The following ABCC4 variants were observed in gnomAD, a reference collection of about 807,000 sequenced individuals.
ABCC4 encodes ATP binding cassette subfamily C member 4 (PEL blood group), also known as ATP-binding cassette sub-family C member 4.
A neutral mutation model predicts 168.5 loss-of-function variants in ABCC4; 102 were observed. That is an observed-to-expected ratio of 0.61 (90% CI 0.52 to 0.71). ABCC4 has a LOEUF of 0.71. ABCC4 is among the 30% of genes least tolerant of loss of function. The probability of loss-of-function intolerance (pLI) is 0.00; values close to 1 mark genes in which losing one functional copy is unlikely to be tolerated. For synonymous variants in ABCC4, 617 were observed against 590.7 expected, an observed-to-expected ratio of 1.04 and a Z score of -0.65; for missense variants, 1,402 against 1,605.8, an observed-to-expected ratio of 0.87 and a Z score of 2.17.
intron 4 of ABCC4, among the ~76,000 whole-genome samples, chr13:95,221,668 C>T (rs930006032): frequency 3.1e-5 from 4 of 128,674 alleles, no homozygotes; most frequent in African/African-American, 8.6e-5. Context: ...AAAAAAAAAA[C>T]GAGAAATAAA....
In ABCC4 at chr13:95,194,940, A is replaced by G. The variant is rs2274404; in HGVS notation, c.1162-3T>C. On this transcript the variant is annotated splice_polypyrimidine_tract_variant and splice_region_variant and intron_variant, in intron 8 of 30. Transcript: ENST00000645237. ...ATCTCATCAAGTAGCAAAAAGGTCT[A>G]AAGAAAATGGGAAAAACACAGATTG... is the stretch of plus-strand genomic sequence containing the variant. 9.1e-4 allele frequency: 1,474 copies of G among 1,611,696 alleles called. 25 individuals are homozygous for G. In the East Asian group the frequency reaches 0.025, roughly 27 times the overall value.
chr13:95,179,244 G>A (rs774710193), intron 11 of ABCC4, among the ~76,000 whole-genome samples: 5 of 151,992 alleles, frequency 3.3e-5, no homozygotes, highest in East Asian at 1.9e-4. Flanking sequence ...GATAACACCC[G>A]CCCCATCTTC....
At chr13:95,275,465 C>T (rs145159856) in intron 1 of ABCC4, among the ~76,000 whole-genome samples, 38 of 152,284 alleles carry the variant, frequency 2.5e-4, no homozygotes, top group African/African-American at 8.2e-4. Flanking sequence ...TGTGGCTCTG[C>T]GCCAGAATCA....
At chr13:95,074,094 A>T in intron 23 of ABCC4, 120 bp downstream of exon 23, 2 of 759,958 alleles carry the variant, frequency 2.6e-6, no homozygotes, top group Non-Finnish European at 4.2e-6. Flanking sequence ...AAATGATTTA[A>T]TACACTTCAT....
rs532698335 is a variant in ABCC4 at position 95,087,590 on chromosome 13, G to A, written c.2536-4300C>T. Among the ~76,000 whole-genome samples the A allele has an allele frequency of 2.6e-5, 4 of 152,298 alleles. No individual in the cohort carries two copies. The East Asian group carries it at 5.8e-4, about 22-fold the overall frequency. ...TGGAGCCACTAAAATTATGAACAGG[G>A]TATACAAACCGACAGGAATATTAAG... On this transcript the variant is annotated intron_variant, in intron 20 of 30. Coordinates refer to ENST00000645237, the MANE Select transcript of ABCC4 (RefSeq NM_005845.5).
At chr13:95,049,313 G>A (rs899121664) in intron 27 of ABCC4, among the ~76,000 whole-genome samples, 6 of 150,634 alleles carry the variant, frequency 4.0e-5, no homozygotes, top group African/African-American at 7.4e-5. Flanking sequence ...CAGCCTGGGC[G>A]ACAGAGCAAG....
intron 1 of ABCC4, among the ~76,000 whole-genome samples, chr13:95,293,632 A>C (rs2041457056): frequency 6.6e-6 from 1 of 151,066 alleles, no homozygotes; most frequent in East Asian, 2.0e-4. Flanking sequence ...ACGCCCAGCT[A>C]ATTTTTGTAT....
intron 19 of ABCC4, among the ~76,000 whole-genome samples, chr13:95,126,438 G>A (rs980576341): frequency 4.1e-4 from 63 of 151,878 alleles, no homozygotes; most frequent in Non-Finnish European, 2.5e-4. Context: ...GTGCAAAATC[G>A]GCTCTATCTC....
intron 4 of ABCC4, among the ~76,000 whole-genome samples, chr13:95,226,165 ATCTG>A (rs1190290733): frequency 1.4e-3 from 13 of 9,594 alleles, no homozygotes; most frequent in East Asian, 8.9e-3. Flanking sequence ...GAATTACTTC[ATCTG>A]GAATTCTAAG....
Position 95,118,838 on chromosome 13 carries a change from CA to C in ABCC4, c.2456-2838del, listed in dbSNP as rs1400036654. On this transcript the variant is annotated intron_variant, in intron 19 of 30. Coordinates refer to ENST00000645237, the MANE Select transcript of ABCC4 (RefSeq NM_005845.5). ...CCGAATCTTGCCTTCCGGGAACATCCAATCGTTGCTGCTGATTCTGCCCTTA... is the reference window on the plus strand; with the variant it reads ...CCGAATCTTGCCTTCCGGGAACATCCATCGTTGCTGCTGATTCTGCCCTTA... 3.3e-5 allele frequency among the ~76,000 whole-genome samples: 5 copies of C among 152,320 alleles called. No homozygotes were observed. In the East Asian group the frequency reaches 7.7e-4, roughly 23 times the overall value.
chr13:95,150,888 G>T (rs2139509066), intron 19 of ABCC4, among the ~76,000 whole-genome samples: 1 of 152,262 alleles, frequency 6.6e-6, no homozygotes. Flanking sequence ...TCCACTTGAA[G>T]CTTAGAGATT....
intron 26 of ABCC4, among the ~76,000 whole-genome samples, chr13:95,056,958 A>G (rs201470070): frequency 6.6e-6 from 1 of 151,992 alleles, no homozygotes; most frequent in African/African-American, 2.4e-5. Context: ...AGTTGAAAAC[A>G]TTTATTTGTG....
chr13:95,176,478 G>C (rs940696995), intron 13 of ABCC4, among the ~76,000 whole-genome samples: 1 of 152,112 alleles, frequency 6.6e-6, no homozygotes, highest in Non-Finnish European at 1.5e-5. Context: ...CTGGGCAACA[G>C]AGCGAGATCC....
rs767797139 is a variant in ABCC4, at chr13:95,083,134, A to G, written c.2686+6T>C. 17 of 1,613,148 alleles carry G rather than the reference A, an allele frequency of 1.1e-5. No individual in the cohort carries two copies. The highest frequency in any genetic ancestry group is 1.4e-5 in the Non-Finnish European group (16 of 1,179,596). On this transcript the variant is annotated splice_donor_region_variant and intron_variant, in intron 21 of 30. Transcript: ENST00000645237. ...TGTCTATACCAACCCGAGTTTCCAT[A>G]CTCACTTGTAGATTCCAGGCGCTTC...
At chr13:95,276,800 C>T (rs896539245) in intron 1 of ABCC4, among the ~76,000 whole-genome samples, 3 of 152,330 alleles carry the variant, frequency 2.0e-5, no homozygotes, top group Admixed American at 2.0e-4. Flanking sequence ...AGGCAGATCA[C>T]CTGAGGCCAG....
At chr13:95,064,252 G>GTATATATA (rs763934713) in intron 25 of ABCC4, among the ~76,000 whole-genome samples, 8 of 118,168 alleles carry the variant, frequency 6.8e-5, no homozygotes, top group African/African-American at 1.6e-4. Context: ...CCGGGTGTGT[G>GTATATATA]TGTGTGTGTA....
chr13:95,085,033 A>G (rs2034213108), intron 20 of ABCC4, among the ~76,000 whole-genome samples: 1 of 152,238 alleles, frequency 6.6e-6, no homozygotes, highest in African/African-American at 2.4e-5. Context: ...CTTGAGAAGG[A>G]TAGAACAGTG....
rs1678408 is a variant in ABCC4 at position 95,183,489 on chromosome 13, C to A, written c.1545+3212G>T. 4.7e-3 allele frequency among the ~76,000 whole-genome samples: 715 copies of A among 152,224 alleles called. 5 individuals carry two copies. Among genetic ancestry groups the A allele is most frequent in the African/African-American group, 0.017 (700 of 41,520 alleles). ...AGAGGATCCCTGGTTTCTTCCAGTC[C>A]CCTGCTAAACAGTCATAAATGGCAT... On this transcript the variant is annotated intron_variant, in intron 11 of 30. Transcript: ENST00000645237.
chr13:95,141,462 G>A (rs2036314333), intron 19 of ABCC4, among the ~76,000 whole-genome samples: 1 of 151,934 alleles, frequency 6.6e-6, no homozygotes, highest in South Asian at 2.1e-4. Flanking sequence ...ATCCTCTGAG[G>A]TGCAGTATAA....
Sources: gnomAD v4.1 joint callset for allele counts (sites outside exome capture counted in the v4.1 genomes callset) on GRCh38, gnomAD v4.1.1 for gene constraint, MANE v1.5 for transcripts, NCBI Gene and HGNC (gene_info 2026-07-23, HGNC 2026-07-21) for gene names.